The following NFIB variants were observed in gnomAD, a reference collection of about 807,000 sequenced individuals.
NFIB encodes nuclear factor 1 B-type.
Under a neutral mutation model 61.5 loss-of-function variants are expected in NFIB, and 11 were observed. The observed-to-expected ratio is 0.18, with a 90% CI of 0.11 to 0.30. NFIB has a LOEUF of 0.30. NFIB is among the 10% of genes least tolerant of loss of function. The pLI is 1.00. For missense variants in NFIB, 471 were observed against 608.9 expected (o/e 0.77, Z 2.38); for synonymous variants, 260 against 216.5 (o/e 1.20, Z -1.76).
chr9:14,215,214 C>T (rs1235552824), intron 2 of NFIB, among the ~76,000 whole-genome samples: 1 of 150,976 alleles, frequency 6.6e-6, no homozygotes, highest in African/African-American at 2.5e-5. Flanking sequence ...TCAACTTTCA[C>T]ATCAGTTTCT....
the NFIB span, among the ~76,000 whole-genome samples, chr9:14,437,453 C>T: frequency 2.9e-4 from 44 of 152,260 alleles, no homozygotes; most frequent in African/African-American, 1.0e-3. Context: ...CCTGCTTGTG[C>T]GGGACATTAA....
the NFIB span, among the ~76,000 whole-genome samples, chr9:14,421,261 C>A: frequency 6.6e-6 from 1 of 152,046 alleles, no homozygotes; most frequent in Non-Finnish European, 1.5e-5. Context: ...AAATGAACAT[C>A]TATTTTATAA....
intron 2 of NFIB, among the ~76,000 whole-genome samples, chr9:14,203,448 AAAAAC>A (rs1212116396): frequency 6.6e-6 from 1 of 152,258 alleles, no homozygotes; most frequent in Admixed American, 6.5e-5. Flanking sequence ...GCTGTATTGT[AAAAAC>A]ATTCTGCCCC....
the NFIB span, among the ~76,000 whole-genome samples, chr9:14,404,994 G>C: frequency 6.6e-6 from 1 of 152,082 alleles, no homozygotes; most frequent in Non-Finnish European, 1.5e-5. Flanking sequence ...TTTCCTGCTG[G>C]GCATACAACT....
intron 1 of NFIB, among the ~76,000 whole-genome samples, chr9:14,331,113 G>C (rs1208860535): frequency 6.6e-6 from 1 of 152,150 alleles, no homozygotes; most frequent in Non-Finnish European, 1.5e-5. Flanking sequence ...TAGATTAAAA[G>C]TACCATCAAG....
chr9:14,498,142 A>G, the NFIB span, among the ~76,000 whole-genome samples: 1 of 152,218 alleles, frequency 6.6e-6, no homozygotes, highest in African/African-American at 2.4e-5. Flanking sequence ...CAGAGGAAGA[A>G]ATGACCTTGC....
At chr9:14,265,667 CCT>C (rs1180335940) in intron 2 of NFIB, among the ~76,000 whole-genome samples, 1 of 152,160 alleles carries the variant, frequency 6.6e-6, no homozygotes, top group Non-Finnish European at 1.5e-5. Context: ...CCACCATATC[CCT>C]CTCTCTGAGA....
At chr9:14,498,400 T>A in the NFIB span, among the ~76,000 whole-genome samples, 1 of 152,230 alleles carries the variant, frequency 6.6e-6, no homozygotes, top group African/African-American at 2.4e-5. Context: ...TGATTCCAAC[T>A]GTCCTACTGG....
Position 14,375,993 on chromosome 9 carries a change from C to T in NFIB, c.108+22531G>A, listed in dbSNP as rs543401847. Among the ~76,000 whole-genome samples the T allele has an allele frequency of 3.3e-5, 5 of 152,268 alleles. No individual in the cohort carries two copies. The South Asian group carries it at 8.3e-4, about 25-fold the overall frequency. Reference sequence around the variant, plus strand: ...CTGTGCATTATCTCAGAGTACATGGCCAAAATAAATACTTTCACACATCAC... The same window carrying T: ...CTGTGCATTATCTCAGAGTACATGGTCAAAATAAATACTTTCACACATCAC... On this transcript the variant is annotated intron_variant, in intron 1 of 8. Coordinates refer to the NFIB transcript ENST00000380934.
chr9:14,161,618 T>C (rs2044213567), intron 3 of NFIB, among the ~76,000 whole-genome samples: 1 of 152,124 alleles, frequency 6.6e-6, no homozygotes, highest in Non-Finnish European at 1.5e-5. Flanking sequence ...AAAAGCATGA[T>C]CTTTATGACT....
intron 3 of NFIB, among the ~76,000 whole-genome samples, chr9:14,167,155 A>G (rs188905705): frequency 2.0e-5 from 3 of 152,064 alleles, no homozygotes; most frequent in Non-Finnish European, 4.4e-5. Flanking sequence ...AAACAGATCA[A>G]TAAGTCATCT....
intron 3 of NFIB, among the ~76,000 whole-genome samples, chr9:14,161,550 G>C (rs1380774637): frequency 6.6e-6 from 1 of 151,096 alleles, no homozygotes; most frequent in African/African-American, 2.4e-5. Context: ...TTTAAATATA[G>C]TTGTATCCAG....
intron 1 of NFIB, among the ~76,000 whole-genome samples, chr9:14,394,054 AT>A (rs1377407743): frequency 6.6e-6 from 1 of 152,216 alleles, no homozygotes; most frequent in Non-Finnish European, 1.5e-5. Context: ...GTATTAACTT[AT>A]CCATCCTACT....
chr9:14,505,994 G>A, the NFIB span, among the ~76,000 whole-genome samples: 2 of 151,908 alleles, frequency 1.3e-5, no homozygotes, highest in African/African-American at 2.4e-5. Context: ...TTACACAATC[G>A]TTATAATACA....
chr9:14,398,829 C>A (rs1171385032), exon 1 of NFIB: 2 of 509,780 alleles, frequency 3.9e-6, no homozygotes, highest in East Asian at 6.7e-5. Context: ...CAAAATAGAA[C>A]AAGAACAAAG....
At chr9:14,400,734 G>C (rs1031462723), upstream of NFIB, among the ~76,000 whole-genome samples, 1 of 152,226 alleles carries the variant, frequency 6.6e-6, no homozygotes, top group Non-Finnish European at 1.5e-5. Context: ...GAAAGCGATA[G>C]GCTCTTCCTC....
At chr9:14,260,239 C>G (rs72698795) in intron 2 of NFIB, among the ~76,000 whole-genome samples, 11,444 of 152,198 alleles carry the variant, frequency 0.075, 613 homozygotes, top group East Asian at 0.25. Flanking sequence ...AGTTCTGAGA[C>G]AGCCTCTGGT....
intron 1 of NFIB, among the ~76,000 whole-genome samples, chr9:14,379,176 G>A (rs779008399): frequency 1.3e-4 from 19 of 151,960 alleles, no homozygotes; most frequent in Non-Finnish European, 2.4e-4. Context: ...ACCCCATATC[G>A]TCCCTTCATG....
intron 10 of NFIB, among the ~76,000 whole-genome samples, chr9:14,097,631 C>T (rs1228759056): frequency 1.3e-5 from 2 of 152,102 alleles, no homozygotes; most frequent in South Asian, 2.1e-4. Context: ...ACTACATACA[C>T]ACACACATAT....
Sources: gnomAD v4.1 joint callset for allele counts (sites outside exome capture counted in the v4.1 genomes callset) on GRCh38, gnomAD v4.1.1 for gene constraint, MANE v1.5 for transcripts, NCBI Gene and HGNC (gene_info 2026-07-23, HGNC 2026-07-21) for gene names.